Variants in EPHB1 observed in about 807,000 individuals in gnomAD.
EPHB1 encodes EPH receptor B1.
In EPHB1, 30 loss-of-function variants were observed where a neutral mutation model predicts 94.4. That is an observed-to-expected ratio of 0.32 (90% CI 0.24 to 0.43). The LOEUF is 0.43. Among genes scored for constraint, EPHB1 ranks in the 20% least tolerant of loss-of-function variants. EPHB1 has a pLI of 1.00. For synonymous variants in EPHB1, 522 were observed against 489.1 expected (o/e 1.07, Z -0.89); for missense variants, 1,055 against 1,308.3 (o/e 0.81, Z 2.99).
intron 4 of EPHB1, among the ~76,000 whole-genome samples, chr3:135,108,772 C>T (rs909740844): frequency 1.3e-4 from 20 of 152,214 alleles, no homozygotes; most frequent in African/African-American, 4.6e-4. Flanking sequence ...CCAGTACTTG[C>T]TCATATCCAA....
intron 3 of EPHB1, among the ~76,000 whole-genome samples, chr3:135,096,263 G>T (rs1938755796): frequency 6.6e-6 from 1 of 152,196 alleles, no homozygotes; most frequent in Admixed American, 6.5e-5. Context: ...TTTTACAAAT[G>T]GGGGGCTGAG....
chr3:135,008,558 G>T (rs1005821352), intron 3 of EPHB1, among the ~76,000 whole-genome samples: 1 of 152,198 alleles, frequency 6.6e-6, no homozygotes, highest in East Asian at 1.9e-4. Context: ...TTTGAAACAC[G>T]CTAGGGATTC....
At chr3:134,978,413 G>C (rs1369542733) in intron 3 of EPHB1, among the ~76,000 whole-genome samples, 1 of 152,136 alleles carries the variant, frequency 6.6e-6, no homozygotes, top group South Asian at 2.1e-4. Flanking sequence ...CCCTGCCTTA[G>C]CACCAGGGCA....
chr3:134,955,019 C>T (rs1358271802), intron 3 of EPHB1, among the ~76,000 whole-genome samples: 5 of 137,080 alleles, frequency 3.6e-5, no homozygotes, highest in Admixed American at 2.4e-4. Flanking sequence ...GCAAGCGGCT[C>T]ATGCATTTTC....
chr3:135,167,035 G>T, intron 9 of EPHB1, 29 bp downstream of exon 9: 1 of 1,612,798 alleles, frequency 6.2e-7, no homozygotes. Flanking sequence ...CCCGGTGTCT[G>T]ACCCCCACAG....
At chr3:134,928,775 G>A (rs563668567) in intron 2 of EPHB1, among the ~76,000 whole-genome samples, 3 of 152,334 alleles carry the variant, frequency 2.0e-5, no homozygotes, top group African/African-American at 4.8e-5. Flanking sequence ...AGAGGTGAGA[G>A]CTTTGGATGG....
At chr3:134,854,981 A>G (rs994388892) in intron 1 of EPHB1, among the ~76,000 whole-genome samples, 3 of 152,226 alleles carry the variant, frequency 2.0e-5, no homozygotes, top group African/African-American at 7.2e-5. Context: ...TTTTTTGTTC[A>G]GCTTACCTGT....
At chr3:135,100,946 G>A (rs745926062) in intron 3 of EPHB1, among the ~76,000 whole-genome samples, 1 of 152,126 alleles carries the variant, frequency 6.6e-6, no homozygotes, top group Non-Finnish European at 1.5e-5. Flanking sequence ...AAAGAGATGT[G>A]TGGTGAGGTC....
rs146453157 is a variant in EPHB1, at chr3:134,979,745, A to C, written c.805+27693A>C. Among the ~76,000 whole-genome samples the C allele has an allele frequency of 7.2e-3, 1,084 of 151,416 alleles. 13 individuals carry two copies. The highest frequency in any genetic ancestry group is 0.024 in the African/African-American group (1,007 of 41,288). Reference sequence around the variant, plus strand: ...GCTTATAATGGGTTGATCAGGAGCAACCCATTGTAAGTCGAGGAGCATCTG... The same window carrying C: ...GCTTATAATGGGTTGATCAGGAGCACCCCATTGTAAGTCGAGGAGCATCTG... On this transcript the variant is annotated intron_variant, in intron 3 of 15. Coordinates refer to ENST00000398015, the MANE Select transcript of EPHB1 (RefSeq NM_004441.5).
At position 134,900,530 on chromosome 3, in the gene EPHB1, T is replaced by G. The variant is rs368503708; in HGVS notation, c.59-25286T>G. On this transcript the variant is annotated intron_variant, in intron 1 of 15. Coordinates refer to ENST00000398015, the MANE Select transcript of EPHB1 (RefSeq NM_004441.5). ...TTTTAAGTACACATCTAAAATAACATGGACTTCAGGCCTCCAGGATGTCAT... is the reference window on the plus strand; with the variant it reads ...TTTTAAGTACACATCTAAAATAACAGGGACTTCAGGCCTCCAGGATGTCAT... Among the ~76,000 whole-genome samples the G allele has an allele frequency of 2.2e-4, 33 of 152,244 alleles. No homozygotes were observed. In the East Asian group the frequency reaches 2.3e-3, roughly 11 times the overall value.
chr3:135,228,750 G>T (rs1469484946), intron 12 of EPHB1, among the ~76,000 whole-genome samples: 1 of 115,910 alleles, frequency 8.6e-6, no homozygotes, highest in South Asian at 3.2e-4. Flanking sequence ...CAGCGTGGGT[G>T]GGGTGGGACC....
intron 1 of EPHB1, among the ~76,000 whole-genome samples, chr3:134,797,723 G>A (rs978147332): frequency 6.6e-6 from 1 of 152,298 alleles, no homozygotes; most frequent in Admixed American, 6.5e-5. Flanking sequence ...GCCTTCCGGA[G>A]CCACTTACCC....
chr3:135,133,000 T>G lies in EPHB1; in HGVS notation c.1248T>G (p.Ser416Arg), dbSNP rs1231572134. The change falls in exon 5 of 16, where the codon AGT becomes AGG. Residue 416 changes from serine to arginine, a missense_variant. Coordinates refer to ENST00000398015, the MANE Select transcript of EPHB1 (RefSeq NM_004441.5). The stretch of plus-strand genomic sequence containing the variant: ...CCATCAATGGAGTCTCCAGCAAGAG[T>G]CCCTTCCCCCCACAGCACGTCTCTG... ...IQAINGVSSK[S>R]PFPPQHVSVN... 1.2e-6 allele frequency: 2 copies of G among 1,608,336 alleles called. No individual in the cohort carries two copies.
intron 2 of EPHB1, among the ~76,000 whole-genome samples, chr3:134,942,304 T>G (rs1421740683): frequency 1.3e-5 from 2 of 151,668 alleles, no homozygotes; most frequent in Admixed American, 1.3e-4. Context: ...TTTAGAAAAC[T>G]CATACGAGCA....
intron 2 of EPHB1, among the ~76,000 whole-genome samples, chr3:134,944,161 CTCTG>C (rs1453711496): frequency 1.3e-5 from 2 of 152,220 alleles, no homozygotes; most frequent in East Asian, 1.9e-4. Context: ...TAACATACCT[CTCTG>C]TCTGTAGATT....
At chr3:135,246,559 G>T (rs140879073) in intron 13 of EPHB1, among the ~76,000 whole-genome samples, 1 of 152,194 alleles carries the variant, frequency 6.6e-6, no homozygotes, top group South Asian at 2.1e-4. Context: ...ATCAAGCACC[G>T]CTGTGATTTA....
intron 1 of EPHB1, among the ~76,000 whole-genome samples, chr3:134,808,028 A>C (rs906289783): frequency 6.6e-6 from 1 of 152,216 alleles, no homozygotes; most frequent in Admixed American, 6.5e-5. Context: ...AGGGCATGAA[A>C]GTCTGGTTGA....
At chr3:135,170,882 G>A (rs1053334091) in intron 9 of EPHB1, among the ~76,000 whole-genome samples, 1 of 152,210 alleles carries the variant, frequency 6.6e-6, no homozygotes, top group Non-Finnish European at 1.5e-5. Flanking sequence ...CTTTCAGAAA[G>A]TGGCCCTGAC....
intron 3 of EPHB1, among the ~76,000 whole-genome samples, chr3:135,006,858 G>A (rs927680707): frequency 6.6e-5 from 10 of 151,762 alleles, no homozygotes; most frequent in Non-Finnish European, 1.0e-4. Context: ...GATAATGCTC[G>A]AACCCATGAA....
Sources: allele counts gnomAD v4.1 joint callset (sites outside exome capture counted in the v4.1 genomes callset), GRCh38; gene constraint gnomAD v4.1.1; transcripts MANE v1.5; gene names NCBI Gene and HGNC (gene_info 2026-07-23, HGNC 2026-07-21).